HIRA: variants seen among roughly 807,000 people sequenced by gnomAD.
HIRA encodes the protein protein HIRA.
Under a neutral mutation model 126.6 loss-of-function variants are expected in HIRA, and 13 were observed. That is an observed-to-expected ratio of 0.10 (90% confidence interval 0.07 to 0.16). The LOEUF (loss-of-function observed/expected upper bound fraction) is 0.16, where lower values mean the gene tolerates loss of function less well. HIRA is among the 10% of genes least tolerant of loss of function. The pLI, the probability that HIRA is intolerant of heterozygous loss-of-function variation, is 1.00. For synonymous variants in HIRA, 511 were observed against 520.0 expected (o/e 0.98, Z 0.24); for missense variants, 834 against 1,314.4 (o/e 0.63, Z 5.65).
intron 15 of HIRA, among the ~76,000 whole-genome samples, chr22:19,364,162 A>T (rs921748907): frequency 1.4e-5 from 2 of 145,862 alleles, no homozygotes; most frequent in Admixed American, 6.9e-5. Context: ...AAAGTCTATT[A>T]AAAAAAAAAA....
At chr22:19,357,097 C>T (rs1556012884) in intron 18 of HIRA, 46 bp from the exon 19 acceptor site, 1 of 1,601,700 alleles carries the variant, frequency 6.2e-7, no homozygotes, top group Non-Finnish European at 8.5e-7. Flanking sequence ...CTGAGTGCTG[C>T]AGCCAAGACA....
chr22:19,390,367 C>T (rs915828655), intron 9 of HIRA, among the ~76,000 whole-genome samples: 5 of 151,786 alleles, frequency 3.3e-5, no homozygotes, highest in African/African-American at 9.7e-5. Flanking sequence ...CCAAGGCGGG[C>T]GGATCACCTG....
chr22:19,359,837 G>A (rs1466503239), intron 17 of HIRA, among the ~76,000 whole-genome samples: 2 of 152,208 alleles, frequency 1.3e-5, no homozygotes, highest in African/African-American at 2.4e-5. Context: ...CACTGCAAAG[G>A]ACCGAGCTGG....
intron 1 of HIRA, among the ~76,000 whole-genome samples, chr22:19,419,950 T>C (rs1261979362): frequency 6.6e-6 from 1 of 152,158 alleles, no homozygotes; most frequent in Non-Finnish European, 1.5e-5. Context: ...TCTTCTTTAG[T>C]AAGCATGACA....
At chr22:19,353,646 C>A in intron 22 of HIRA, 127 bp from the exon 23 acceptor site, 1 of 933,520 alleles carries the variant, frequency 1.1e-6, no homozygotes, top group Non-Finnish European at 1.6e-6. Flanking sequence ...GCCTCCCGTC[C>A]ACTAGCCAGT....
At chr22:19,394,702 G>C (rs1043734029) in intron 7 of HIRA, among the ~76,000 whole-genome samples, 193 bp from the exon 8 acceptor site, 4 of 152,182 alleles carry the variant, frequency 2.6e-5, no homozygotes, top group Non-Finnish European at 5.9e-5. Context: ...AATGAATTTG[G>C]AAACTGCAGC....
chr22:19,381,429 A>T (rs905086289), intron 13 of HIRA, among the ~76,000 whole-genome samples: 28 of 152,248 alleles, frequency 1.8e-4, no homozygotes, highest in Non-Finnish European at 5.9e-5. Flanking sequence ...CTTAATTTGA[A>T]ATAAGATAAT....
Position 19,385,831 on chromosome 22 carries a change from C to T in HIRA, c.1114-95G>A, listed in dbSNP as rs533860576. On this transcript the variant is annotated intron_variant, in intron 11 of 24. Coordinates refer to ENST00000263208, the MANE Select transcript of HIRA (RefSeq NM_003325.4). The stretch of plus-strand genomic sequence containing the variant: ...GCAAACTACAGCAGGGCTCTCCTGG[C>T]TCTGAGTGGAGAAGGGACCCAAGGC... 43 of 1,235,484 alleles carry T rather than the reference C, an allele frequency of 3.5e-5. No homozygotes were observed. In the African/African-American group the frequency reaches 6.1e-4, roughly 18 times the overall value. The allele number at this position is 1,235,484 out of a possible 1,614,324, so 76.5% of individuals were successfully genotyped here. A position where few individuals can be genotyped will look rare whatever the true frequency, so the allele number is the denominator to read the frequency against.
intron 8 of HIRA, among the ~76,000 whole-genome samples, chr22:19,393,559 T>C (rs1029500221): frequency 6.6e-6 from 1 of 152,082 alleles, no homozygotes; most frequent in African/African-American, 2.4e-5. Context: ...GGTTTCATCA[T>C]GTTGGTCAGG....
intron 24 of HIRA, among the ~76,000 whole-genome samples, chr22:19,348,800 A>G (rs182486797): frequency 6.7e-6 from 1 of 148,190 alleles, no homozygotes; most frequent in Admixed American, 6.7e-5. Context: ...TGGCCTTTTT[A>G]TTTTTTATTT....
Position 19,361,287 on chromosome 22 carries a change from G to T in HIRA, c.2035C>A (p.Leu679Ile). ...KEAMCLSAPA[L>I]ALKLPIPSPQ... ...CTTGGAATTGGCAGCTTCAGTGCAA[G>T]TGCTGGTGCAGACAGACACATGGCC... Residue 679 changes from leucine (L) to isoleucine (I), a missense_variant, in exon 17 of 25, where the codon CTT (leucine) becomes ATT (isoleucine). Around this residue, in one of 5 missense-constraint regions of HIRA, gnomAD observed 468 missense variants for 574.2 expected, o/e 0.82. Coordinates refer to ENST00000263208, the MANE Select transcript of HIRA (RefSeq NM_003325.4). 1.2e-6 allele frequency: 2 copies of T among 1,614,246 alleles called. No homozygotes were observed. Among genetic ancestry groups the T allele is most frequent in the Non-Finnish European group, 1.7e-6 (2 of 1,180,042 alleles).
chr22:19,375,586 C>T, intron 15 of HIRA, 45 bp downstream of exon 15: 1 of 1,604,086 alleles, frequency 6.2e-7, no homozygotes, highest in Non-Finnish European at 8.5e-7. Context: ...TTGACCCATG[C>T]CTGCACCCTG....
At chr22:19,415,413 A>G (rs1181143638) in intron 1 of HIRA, among the ~76,000 whole-genome samples, 1 of 152,240 alleles carries the variant, frequency 6.6e-6, no homozygotes, top group Non-Finnish European at 1.5e-5. Context: ...TATAAAATAT[A>G]AAACACTGCT....
chr22:19,390,881 A>C (rs943378932), intron 9 of HIRA, among the ~76,000 whole-genome samples: 7 of 152,018 alleles, frequency 4.6e-5, no homozygotes, highest in African/African-American at 1.7e-4. Context: ...GCCAGCGTAA[A>C]CACCTGTCAG....
chr22:19,356,383 G>C (rs1556012559), intron 19 of HIRA, 95 bp from the exon 20 acceptor site: 10 of 1,066,614 alleles, frequency 9.4e-6, no homozygotes, highest in Non-Finnish European at 1.4e-5. Flanking sequence ...TACTGCATGC[G>C]ACCCTAACCC....
chr22:19,399,302 A>G (rs2089248022), intron 5 of HIRA: 1 of 221,720 alleles, frequency 4.5e-6, no homozygotes, highest in South Asian at 1.6e-4. Flanking sequence ...TATTCCAAAT[A>G]TCTATTGTAT....
In HIRA at chr22:19,348,357, C is replaced by T. The variant is rs976734093; in HGVS notation, c.2937+3001G>A. On this transcript the variant is annotated intron_variant, in intron 24 of 24. Transcript: ENST00000263208. Reference sequence around the variant, plus strand: ...AAACAGCAGAAATATTTATAGGCAACGGAAATAGATCTGCAAAGGCTCCTG... The same window carrying T: ...AAACAGCAGAAATATTTATAGGCAATGGAAATAGATCTGCAAAGGCTCCTG... Among the ~76,000 whole-genome samples, 9 of 152,056 alleles carry T rather than the reference C, an allele frequency of 5.9e-5. 1 individual carries two copies. The highest frequency in any genetic ancestry group is 3.9e-4 in the East Asian group (2 of 5,182).
At chr22:19,394,248 T>G in intron 8 of HIRA, 94 bp downstream of exon 8, 1 of 1,424,210 alleles carries the variant, frequency 7.0e-7, no homozygotes. Context: ...AAAATTAGCT[T>G]TTAAATATTT....
At chr22:19,334,460 G>A (rs13056856) in intron 24 of HIRA, among the ~76,000 whole-genome samples, 145,595 of 150,154 alleles carry the variant, frequency 0.97, 70,668 homozygotes, top group African/African-American at 0.99. Context: ...AGACCAGTCT[G>A]GCCAACATGG....
Sources: allele counts gnomAD v4.1 joint callset (sites outside exome capture counted in the v4.1 genomes callset), GRCh38; gene constraint gnomAD v4.1.1; regional missense constraint gnomAD v4.1.1; transcripts MANE v1.5; gene names NCBI Gene and HGNC (gene_info 2026-07-23, HGNC 2026-07-21).